Variants in PIM1 observed in about 807,000 individuals in gnomAD.
PIM1 encodes Pim-1 proto-oncogene, serine/threonine kinase.
Under a neutral mutation model 34.5 loss-of-function variants are expected in PIM1, and 9 were observed. The observed-to-expected ratio is 0.26, with a 90% confidence interval of 0.16 to 0.46. PIM1 has a LOEUF of 0.46. Ranked by LOEUF, PIM1 falls within the 20% of genes least tolerant of loss-of-function variation. The pLI, the probability that PIM1 is intolerant of heterozygous loss-of-function variation, is 1.00. For missense variants in PIM1, 274 were observed against 410.9 expected, an observed-to-expected ratio of 0.67 and a Z score of 2.88; for synonymous variants, 199 against 175.2, an observed-to-expected ratio of 1.14 and a Z score of -1.07.
Position 37,170,556 on chromosome 6 carries a change from C to T in PIM1, c.-20C>T, listed in dbSNP as rs960696409. ...AGCTCCTCTGGGCACCGTCCCTGCG[C>T]CGACATCCTGGAGGTTGGGATGCTC... On this transcript the variant is annotated 5_prime_UTR_variant, in exon 1 of 6. Transcript: ENST00000373509. 5.0e-6 allele frequency: 8 copies of T among 1,612,562 alleles called. No homozygotes were observed. The highest frequency in any genetic ancestry group is 1.7e-4 in the Middle Eastern group (1 of 6,056).
At chr6:37,173,459 A>G (rs1762344400) in intron 5 of PIM1, among the ~76,000 whole-genome samples, 1 of 152,264 alleles carries the variant, frequency 6.6e-6, no homozygotes, top group Non-Finnish European at 1.5e-5. Context: ...CAGAAACCTG[A>G]TAATTCCTGG....
rs1561984826 is a variant in PIM1, at chr6:37,174,584, CTT to C, written c.*496_*497del. On this transcript the variant is annotated 3_prime_UTR_variant, in exon 6 of 6. Transcript: ENST00000373509. Reference sequence around the variant, plus strand: ...CTGGGAGAAATACTTGAACTTGCCTCTTTTACCTGCTGCTTCTCCAAAAATCT... The same window carrying C: ...CTGGGAGAAATACTTGAACTTGCCTCTTACCTGCTGCTTCTCCAAAAATCT... The C allele has an allele frequency of 4.3e-6, 1 of 234,094 alleles. No homozygotes were observed. The highest frequency in any genetic ancestry group is 2.2e-5 in the African/African-American group (1 of 45,448). 14.5% of individuals were successfully genotyped at this position (234,094 alleles called of 1,614,324 possible). A position where few individuals can be genotyped will look rare whatever the true frequency, so the allele number is the denominator to read the frequency against.
rs1387841764 is a variant in PIM1, at chr6:37,174,211, G to A, written c.*120G>A. The A allele has an allele frequency of 4.1e-6, 4 of 976,672 alleles. No homozygotes were observed. Among genetic ancestry groups the A allele is most frequent in the Admixed American group, 5.6e-5 (2 of 36,014 alleles). 60.5% of individuals were successfully genotyped at this position (976,672 alleles called of 1,614,324 possible). A position where few individuals can be genotyped will look rare whatever the true frequency, so the allele number is the denominator to read the frequency against. ...CCAAGCAGGACAGTGCTTGATACAG[G>A]AACAACATTTACAACTCATTCCAGA... On this transcript the variant is annotated 3_prime_UTR_variant, in exon 6 of 6. Coordinates refer to ENST00000373509, the MANE Select transcript of PIM1 (RefSeq NM_002648.4).
chr6:37,170,745 T>A (rs1762262133), intron 1 of PIM1, 28 bp from the exon 2 acceptor site: 1 of 1,608,774 alleles, frequency 6.2e-7, no homozygotes, highest in African/African-American at 1.3e-5. Flanking sequence ...GGGCCGGCAC[T>A]GAGTCCCCGT....
At position 37,170,318 on chromosome 6, in the gene PIM1, C is replaced by T. The variant is rs1225813758; in HGVS notation, c.-258C>T. On this transcript the variant is annotated 5_prime_UTR_variant, in exon 1 of 6. Transcript: ENST00000373509. ...CCCCGCGGCGCTGCCGCACGAGCCC[C>T]ACGAGCCGCTCACCCCGCCGTTCTC... 6.8e-7 allele frequency: 1 copy of T among 1,471,592 alleles called. No individual in the cohort carries two copies. The highest frequency in any genetic ancestry group is 9.0e-7 in the Non-Finnish European group (1 of 1,114,688). The allele number at this position is 1,471,592 out of a possible 1,614,324, so 91.2% of individuals were successfully genotyped here. A position where few individuals can be genotyped will look rare whatever the true frequency, so the allele number is the denominator to read the frequency against.
intron 4 of PIM1, 101 bp downstream of exon 4, chr6:37,171,592 A>G (rs1329447505): frequency 7.8e-6 from 11 of 1,414,324 alleles, no homozygotes; most frequent in Admixed American, 2.6e-5. Flanking sequence ...TGTAAAGGTC[A>G]TTGGGCCGCC....
chr6:37,173,885 T>TTG, intron 5 of PIM1, 49 bp from the exon 6 acceptor site: 1 of 1,561,292 alleles, frequency 6.4e-7, no homozygotes, highest in Non-Finnish European at 8.7e-7. Flanking sequence ...CTTTGCAGTG[T>TTG]AAAAACAAGT....
At chr6:37,172,149 C>T (rs1024017934) in intron 4 of PIM1, among the ~76,000 whole-genome samples, 1 of 152,000 alleles carries the variant, frequency 6.6e-6, no homozygotes, top group African/African-American at 2.4e-5. Context: ...GAATGGAGAG[C>T]CTGAGATCAA....
chr6:37,170,447 A>G lies in PIM1; in HGVS notation c.-129A>G, dbSNP rs1383641830. On this transcript the variant is annotated 5_prime_UTR_variant, in exon 1 of 6. Transcript: ENST00000373509. Reference sequence around the variant, plus strand: ...GGCCTTCCGCGCCAGCCGCAGCCACAGCCGCAACGCCACCCGCAGCCACAG... The same window carrying G: ...GGCCTTCCGCGCCAGCCGCAGCCACGGCCGCAACGCCACCCGCAGCCACAG... 6.5e-7 allele frequency: 1 copy of G among 1,545,688 alleles called. No individual in the cohort carries two copies.
chr6:37,174,056 C>T lies in PIM1; in HGVS notation c.907C>T (p.His303Tyr). The T allele has an allele frequency of 6.2e-7, 1 of 1,614,024 alleles. No homozygotes were observed. Among genetic ancestry groups the T allele is most frequent in the Non-Finnish European group, 8.5e-7 (1 of 1,179,964 alleles). ...VLLPQETAEIHLHSLSPGPSK is the reference protein window; with the variant it reads ...VLLPQETAEIYLHSLSPGPSK ...CCTGCCCCAGGAAACTGCTGAGATC[C>T]ACCTCCACAGCCTGTCGCCGGGGCC... is the stretch of plus-strand genomic sequence containing the variant. Residue 303 changes from histidine (H) to tyrosine (Y), a missense_variant, in exon 6 of 6, where the codon CAC becomes TAC. By Grantham distance (83) the His-to-Tyr change is moderately conservative. Transcript: ENST00000373509.
intron 5 of PIM1, 73 bp from the exon 6 acceptor site, chr6:37,173,861 C>A: frequency 7.0e-7 from 1 of 1,436,958 alleles, no homozygotes; most frequent in South Asian, 1.3e-5. Context: ...CTCTGAGAAG[C>A]AAATGGGGAA....
chr6:37,173,195 C>T (rs772196790), intron 5 of PIM1, 23 bp downstream of exon 5: 2 of 1,612,700 alleles, frequency 1.2e-6, no homozygotes, highest in Admixed American at 3.3e-5. Flanking sequence ...AACCCCTGGC[C>T]ATGGGGTTAT....
In PIM1 at chr6:37,174,150, T is replaced by A; in HGVS notation, c.*59T>A. On this transcript the variant is annotated 3_prime_UTR_variant, in exon 6 of 6. Transcript: ENST00000373509. Reference sequence around the variant, plus strand: ...AGATGCCCGAGGGAGGGGAAGCTTCTGTCTCCAGCTTCCCGAGTACCAGTG... The same window carrying A: ...AGATGCCCGAGGGAGGGGAAGCTTCAGTCTCCAGCTTCCCGAGTACCAGTG... The A allele has an allele frequency of 6.6e-7, 1 of 1,514,782 alleles. No homozygotes were observed. Among genetic ancestry groups the A allele is most frequent in the Non-Finnish European group, 9.0e-7 (1 of 1,111,928 alleles). 93.8% of individuals were successfully genotyped at this position (1,514,782 alleles called of 1,614,324 possible). A position where few individuals can be genotyped will look rare whatever the true frequency, so the allele number is the denominator to read the frequency against.
chr6:37,173,044 A>G lies in PIM1; in HGVS notation c.656A>G (p.His219Arg). 2 of 1,614,130 alleles carry G rather than the reference A, an allele frequency of 1.2e-6. No individual in the cohort carries two copies. Among genetic ancestry groups the G allele is most frequent in the Non-Finnish European group, 1.7e-6 (2 of 1,180,006 alleles). The change falls in exon 5 of 6, where the codon CAT becomes CGT. Residue 219 changes from histidine (H) to arginine (R), a missense_variant. By Grantham distance (29) the His-to-Arg change is conservative (BLOSUM62 0). This residue lies in a region of PIM1 where 168 missense variants were observed against 299.4 expected (regional missense o/e 0.56). Coordinates refer to ENST00000373509, the MANE Select transcript of PIM1 (RefSeq NM_002648.4). ...PPEWIRYHRY[H>R]GRSAAVWSLG... is the part of the protein sequence containing the mutation. ...GAGTGGATCCGCTACCATCGCTACC[A>G]TGGCAGGTCGGCGGCAGTCTGGTCC... is the stretch of plus-strand genomic sequence containing the variant.
intron 1 of PIM1, 25 bp downstream of exon 1, chr6:37,170,682 C>T: frequency 1.9e-6 from 3 of 1,607,332 alleles, no homozygotes; most frequent in African/African-American, 2.7e-5. Context: ...CGCCTCCGGC[C>T]CGGGGATGCG....
chr6:37,173,401 G>C (rs1165422925), intron 5 of PIM1, among the ~76,000 whole-genome samples: 1 of 152,222 alleles, frequency 6.6e-6, no homozygotes, highest in Non-Finnish European at 1.5e-5. Context: ...AGCATATTAA[G>C]AAGAAAAGAC....
intron 5 of PIM1, 59 bp downstream of exon 5, chr6:37,173,231 C>A (rs1374424238): frequency 1.3e-6 from 2 of 1,491,896 alleles, no homozygotes; most frequent in South Asian, 1.2e-5. Flanking sequence ...TATTAGTCTT[C>A]ATGGGACAGT....
rs769345996 is a variant in PIM1 at position 37,170,344 on chromosome 6, A to C, written c.-232A>C. 5 of 1,501,316 alleles carry C rather than the reference A, an allele frequency of 3.3e-6. No homozygotes were observed. The highest frequency in any genetic ancestry group is 4.4e-6 in the Non-Finnish European group (5 of 1,130,130). The allele number at this position is 1,501,316 out of a possible 1,614,324, so 93.0% of individuals were successfully genotyped here. ...ACGAGCCGCTCACCCCGCCGTTCTC[A>C]GCGCTGCCCGACCCCGCTGGCGCGC... On this transcript the variant is annotated 5_prime_UTR_variant, in exon 1 of 6. Coordinates refer to ENST00000373509, the MANE Select transcript of PIM1 (RefSeq NM_002648.4).
Position 37,174,099 on chromosome 6 carries a change from T to A in PIM1, c.*8T>A. 2 of 1,610,396 alleles carry A rather than the reference T, an allele frequency of 1.2e-6. No individual in the cohort carries two copies. Among genetic ancestry groups the A allele is most frequent in the Non-Finnish European group, 1.7e-6 (2 of 1,178,138 alleles). ...CCGGGGCCCAGCAAATAGCAGCCTT[T>A]CTGGCAGGTCCTCCCCTCTCTTGTC... On this transcript the variant is annotated 3_prime_UTR_variant, in exon 6 of 6. Coordinates refer to ENST00000373509, the MANE Select transcript of PIM1 (RefSeq NM_002648.4).
Sources: allele counts gnomAD v4.1 joint callset (sites outside exome capture counted in the v4.1 genomes callset), GRCh38; gene constraint gnomAD v4.1.1; regional missense constraint gnomAD v4.1.1; transcripts MANE v1.5; gene names NCBI Gene and HGNC (gene_info 2026-07-23, HGNC 2026-07-21).